Variants in EPHA6 observed in about 807,000 individuals in gnomAD.
EPHA6 encodes the protein EPH receptor A6, also known as ephrin type-A receptor 6.
In EPHA6, 50 loss-of-function variants were observed where a neutral mutation model predicts 112.0. That is an observed-to-expected ratio of 0.45 (90% confidence interval 0.36 to 0.56). EPHA6 has a LOEUF of 0.56. EPHA6 is among the 20% of genes least tolerant of loss of function. The pLI, the probability that EPHA6 is intolerant of heterozygous loss-of-function variation, is 0.00. For missense variants in EPHA6, 1,280 were observed against 1,417.4 expected (o/e 0.90, Z 1.56); for synonymous variants, 529 against 490.7 (o/e 1.08, Z -1.03).
At chr3:97,201,628 T>G (rs2077580445) in intron 3 of EPHA6, among the ~76,000 whole-genome samples, 1 of 152,152 alleles carries the variant, frequency 6.6e-6, no homozygotes, top group African/African-American at 2.4e-5. Flanking sequence ...TATTAAGTCC[T>G]TTTATCCATT....
intron 5 of EPHA6, among the ~76,000 whole-genome samples, chr3:97,337,612 C>G (rs1193552048): frequency 6.6e-6 from 1 of 152,106 alleles, no homozygotes; most frequent in Non-Finnish European, 1.5e-5. Flanking sequence ...ATTCATCCAA[C>G]ATTTGTGCTA....
At chr3:96,948,847 T>C (rs1405544240) in intron 2 of EPHA6, among the ~76,000 whole-genome samples, 1 of 152,184 alleles carries the variant, frequency 6.6e-6, no homozygotes, top group Non-Finnish European at 1.5e-5. Context: ...TACAAAAGAC[T>C]AAAGGGCACC....
intron 13 of EPHA6, among the ~76,000 whole-genome samples, chr3:97,622,050 T>G (rs1303132748): frequency 6.6e-6 from 1 of 151,862 alleles, no homozygotes; most frequent in Non-Finnish European, 1.5e-5. Context: ...ATTTTTTTAT[T>G]TTGATAAAAT....
chr3:96,863,866 C>G (rs2036149343), intron 1 of EPHA6, among the ~76,000 whole-genome samples: 1 of 151,912 alleles, frequency 6.6e-6, no homozygotes, highest in African/African-American at 2.4e-5. Flanking sequence ...CTAATGAAAG[C>G]CTTGATTTGA....
At chr3:97,501,286 C>T (rs530667870) in intron 10 of EPHA6, among the ~76,000 whole-genome samples, 1 of 152,020 alleles carries the variant, frequency 6.6e-6, no homozygotes, top group East Asian at 1.9e-4. Flanking sequence ...TTGAGTAAAG[C>T]TGGAAGATCT....
chr3:97,117,430 C>T (rs1471958837), intron 3 of EPHA6, among the ~76,000 whole-genome samples: 2 of 151,598 alleles, frequency 1.3e-5, no homozygotes, highest in Non-Finnish European at 3.0e-5. Context: ...TTCCCGTTTC[C>T]TTCTAGTAGT....
intron 6 of EPHA6, among the ~76,000 whole-genome samples, chr3:97,420,293 TAA>T (rs367582375): frequency 1.4e-5 from 2 of 143,706 alleles, no homozygotes; most frequent in East Asian, 2.0e-4. Flanking sequence ...CTTTGATTCT[TAA>T]AAAAAAAAAG....
At chr3:97,077,276 G>A (rs962940185) in intron 3 of EPHA6, among the ~76,000 whole-genome samples, 1 of 151,954 alleles carries the variant, frequency 6.6e-6, no homozygotes, top group Admixed American at 6.6e-5. Flanking sequence ...CAACCCTCTT[G>A]GATGAGTTTG....
intron 6 of EPHA6, among the ~76,000 whole-genome samples, chr3:97,406,619 A>G (rs1389815444): frequency 6.6e-6 from 1 of 152,140 alleles, no homozygotes; most frequent in Non-Finnish European, 1.5e-5. Flanking sequence ...ACTGCTTCAG[A>G]GTTAATCTAG....
At chr3:97,181,511 G>C (rs956908548) in intron 3 of EPHA6, among the ~76,000 whole-genome samples, 2 of 151,764 alleles carry the variant, frequency 1.3e-5, no homozygotes, top group East Asian at 3.9e-4. Flanking sequence ...ATGCATGAAC[G>C]GTGCACAATA....
At chr3:97,387,270 A>T (rs78896922) in intron 5 of EPHA6, among the ~76,000 whole-genome samples, 2,687 of 151,568 alleles carry the variant, frequency 0.018, 78 homozygotes, top group African/African-American at 0.061. Context: ...TGGGACTGCA[A>T]ATTTTCCCAA....
At chr3:96,873,299 C>T (rs1317950519) in intron 2 of EPHA6, among the ~76,000 whole-genome samples, 2 of 151,874 alleles carry the variant, frequency 1.3e-5, no homozygotes, top group Non-Finnish European at 2.9e-5. Context: ...TGTGTATCCA[C>T]CAGTCCATCT....
chr3:97,479,457 GA>G (rs3217695), intron 9 of EPHA6, 93 bp downstream of exon 9: 89,687 of 729,358 alleles, frequency 0.12, 9,835 homozygotes, highest in African/African-American at 0.47. Flanking sequence ...GAGAAAAAAA[GA>G]AAAAAAAAAT....
At chr3:97,069,976 T>C (rs2046303084) in intron 3 of EPHA6, among the ~76,000 whole-genome samples, 1 of 152,094 alleles carries the variant, frequency 6.6e-6, no homozygotes, top group Admixed American at 6.6e-5. Flanking sequence ...TTTCAAGCTG[T>C]GTGGTCTTGC....
chr3:97,666,857 G>A (rs1361872137), intron 14 of EPHA6, among the ~76,000 whole-genome samples: 1 of 152,144 alleles, frequency 6.6e-6, no homozygotes, highest in African/African-American at 2.4e-5. Context: ...CTGGAGAAGA[G>A]GCTTTAGTTT....
chr3:97,202,594 A>G (rs2077605883), intron 3 of EPHA6, among the ~76,000 whole-genome samples: 2 of 152,086 alleles, frequency 1.3e-5, no homozygotes, highest in African/African-American at 2.4e-5. Context: ...TCAGCCTCCC[A>G]AATTGCTGGG....
intron 7 of EPHA6, among the ~76,000 whole-genome samples, chr3:97,456,747 A>G (rs932892677): frequency 6.6e-6 from 1 of 152,162 alleles, no homozygotes; most frequent in African/African-American, 2.4e-5. Context: ...TGTCATTCCC[A>G]AAGTCTGATT....
intron 14 of EPHA6, among the ~76,000 whole-genome samples, chr3:97,701,613 T>C (rs1040730651): frequency 4.1e-5 from 6 of 146,464 alleles, no homozygotes; most frequent in Non-Finnish European, 8.8e-5. Flanking sequence ...ATGGGTCATA[T>C]ATATGTATAT....
intron 5 of EPHA6, among the ~76,000 whole-genome samples, chr3:97,361,140 T>G (rs1559920813): frequency 6.6e-6 from 1 of 152,186 alleles, no homozygotes; most frequent in African/African-American, 2.4e-5. Flanking sequence ...ACACAAAAAT[T>G]TCATAGGCAT....
Sources: gnomAD v4.1 joint callset for allele counts (sites outside exome capture counted in the v4.1 genomes callset) on GRCh38, gnomAD v4.1.1 for gene constraint, MANE v1.5 for transcripts, NCBI Gene and HGNC (gene_info 2026-07-23, HGNC 2026-07-21) for gene names.